Variants in PIK3C2G observed in about 807,000 individuals in gnomAD.
PIK3C2G encodes the protein phosphatidylinositol 3-kinase C2 domain-containing subunit gamma.
In PIK3C2G, 168 loss-of-function variants were observed where a neutral mutation model predicts 181.1. That is an observed-to-expected ratio of 0.93 (90% confidence interval 0.82 to 1.05). The LOEUF (loss-of-function observed/expected upper bound fraction) is 1.05. Ranked by LOEUF, PIK3C2G falls within the 50% of genes least tolerant of loss-of-function variation. The pLI is 0.00. For missense variants in PIK3C2G, 1,869 were observed against 1,732.8 expected (o/e 1.08, Z -1.40); for synonymous variants, 573 against 592.2 (o/e 0.97, Z 0.47).
intron 17 of PIK3C2G, among the ~76,000 whole-genome samples, chr12:18,423,639 A>C (rs999298640): frequency 1.3e-5 from 2 of 152,164 alleles, no homozygotes; most frequent in Non-Finnish European, 2.9e-5. Flanking sequence ...ATTGTATTTA[A>C]TAATCCAGGA....
At chr12:18,258,225 C>T (rs1472826402), upstream of PIK3C2G, among the ~76,000 whole-genome samples, 1 of 151,976 alleles carries the variant, frequency 6.6e-6, no homozygotes, top group Non-Finnish European at 1.5e-5. Flanking sequence ...TTGACATATA[C>T]ATTGTGGAGT....
intron 28 of PIK3C2G, among the ~76,000 whole-genome samples, chr12:18,563,755 G>GT (rs1945469674): frequency 2.0e-5 from 3 of 151,830 alleles, no homozygotes; most frequent in Admixed American, 2.0e-4. Context: ...AAGCTACTTC[G>GT]TTTTTCTTCG....
At chr12:18,290,171 T>G (rs911791625) in intron 3 of PIK3C2G, among the ~76,000 whole-genome samples, 1 of 152,150 alleles carries the variant, frequency 6.6e-6, no homozygotes, top group Non-Finnish European at 1.5e-5. Flanking sequence ...TTCAAAAAAA[T>G]TGGTCAAATA....
chr12:18,407,715 T>C (rs58434989), intron 16 of PIK3C2G, among the ~76,000 whole-genome samples: 16,953 of 152,114 alleles, frequency 0.11, 1,286 homozygotes, highest in Admixed American at 0.27. Context: ...AAAGTCTTCC[T>C]TAAGTAAGTT....
At chr12:18,440,776 TTTAATCCAAATGA>T (rs898712602) in intron 18 of PIK3C2G, among the ~76,000 whole-genome samples, 1 of 152,100 alleles carries the variant, frequency 6.6e-6, no homozygotes, top group African/African-American at 2.4e-5. Flanking sequence ...GAATATTAGC[TTTAATCCAAATGA>T]TTAGAGGGCT....
At chr12:18,270,958 A>G (rs1454088377) in intron 1 of PIK3C2G, among the ~76,000 whole-genome samples, 1 of 152,168 alleles carries the variant, frequency 6.6e-6, no homozygotes, top group Non-Finnish European at 1.5e-5. Context: ...TTGAGATTTA[A>G]TCTATGCAAG....
In PIK3C2G at chr12:18,496,131, A is replaced by T; in HGVS notation, c.2863A>T (p.Lys955Ter). ...TTTCATCAATGCTAATCCGATGGGC[A>T]AAAACATCAGCATTATTTTTAAGGT... The part of the protein sequence containing the change: ...ITFINANPMG[K>*]NISIIFKAGD... The change falls in exon 21 of 33, where the codon AAA becomes TAA. Residue 955 changes from lysine (K) to a stop codon, truncating the protein, a stop_gained. Transcript: ENST00000538779. LOFTEE classifies it high-confidence loss of function. 1 of 1,534,568 alleles carries T rather than the reference A, an allele frequency of 6.5e-7. No individual in the cohort carries two copies. Among genetic ancestry groups the T allele is most frequent in the Non-Finnish European group, 8.8e-7 (1 of 1,134,790 alleles).
intron 7 of PIK3C2G, among the ~76,000 whole-genome samples, chr12:18,324,529 T>C (rs943398735): frequency 6.6e-6 from 1 of 152,242 alleles, no homozygotes; most frequent in Non-Finnish European, 1.5e-5. Context: ...TCTGCTCAAA[T>C]TGCATGTCTT....
the PIK3C2G span, among the ~76,000 whole-genome samples, chr12:18,660,701 T>C: frequency 6.6e-6 from 1 of 152,004 alleles, no homozygotes; most frequent in Non-Finnish European, 1.5e-5. Flanking sequence ...AGGAGAAGAA[T>C]CTGATTTCCA....
chr12:18,372,385 G>T (rs1942129399), intron 13 of PIK3C2G, among the ~76,000 whole-genome samples: 1 of 151,866 alleles, frequency 6.6e-6, no homozygotes, highest in Admixed American at 6.6e-5. Flanking sequence ...ATTGAATTGA[G>T]GAAAAAAACA....
chr12:18,531,685 T>C (rs1357084295), intron 24 of PIK3C2G, among the ~76,000 whole-genome samples: 1 of 152,246 alleles, frequency 6.6e-6, no homozygotes, highest in African/African-American at 2.4e-5. Flanking sequence ...TCTCTGAAGA[T>C]TAATTCAAGC....
intron 30 of PIK3C2G, among the ~76,000 whole-genome samples, chr12:18,595,553 T>G (rs557238230): frequency 6.6e-6 from 1 of 152,280 alleles, no homozygotes; most frequent in Non-Finnish European, 1.5e-5. Context: ...ACTCACTAAC[T>G]AAACATGCCT....
At chr12:18,454,619 T>G (rs1467287295) in intron 18 of PIK3C2G, among the ~76,000 whole-genome samples, 1 of 152,020 alleles carries the variant, frequency 6.6e-6, no homozygotes, top group Non-Finnish European at 1.5e-5. Context: ...GTTTTGAGAA[T>G]AGAATTAAGG....
the PIK3C2G span, chr12:18,699,921 T>C: frequency 1.2e-6 from 2 of 1,611,870 alleles, no homozygotes; most frequent in Non-Finnish European, 8.5e-7. Context: ...CAAGATCAGA[T>C]AAGGCCAGAG....
At chr12:18,697,401 C>G in the PIK3C2G span, among the ~76,000 whole-genome samples, 1 of 152,132 alleles carries the variant, frequency 6.6e-6, no homozygotes, top group East Asian at 1.9e-4. Context: ...GCTCCCTTAT[C>G]TAGTCCTAAC....
chr12:18,723,216 A>C, the PIK3C2G span: 1 of 1,118,052 alleles, frequency 8.9e-7, no homozygotes, highest in Non-Finnish European at 1.3e-6. Context: ...GATAACCACA[A>C]TTCATAAAAA....
chr12:18,442,430 T>C (rs1333437833), intron 18 of PIK3C2G, among the ~76,000 whole-genome samples: 2 of 152,120 alleles, frequency 1.3e-5, no homozygotes, highest in Non-Finnish European at 2.9e-5. Flanking sequence ...AAAGTAATAT[T>C]GCAATAATGG....
At chr12:18,252,953 A>G (rs2136958134) in intron 1 of PIK3C2G, among the ~76,000 whole-genome samples, 1 of 152,222 alleles carries the variant, frequency 6.6e-6, no homozygotes, top group East Asian at 1.9e-4. Flanking sequence ...CTGGGAGGAA[A>G]GGTAGCACTT....
chr12:18,338,525 C>A lies in PIK3C2G; in HGVS notation c.1372C>A (p.Leu458Ile), dbSNP rs200273120. 217 of 1,591,924 alleles carry A rather than the reference C, an allele frequency of 1.4e-4. No homozygotes were observed. In the African/African-American group the frequency reaches 2.6e-3, roughly 19 times the overall value. The change falls in exon 9 of 33, where the codon CTA becomes ATA. Residue 458 changes from leucine to isoleucine, a missense_variant. By Grantham distance (5) the Leu-to-Ile change is conservative. Transcript: ENST00000538779. ...TACAGATGCAGTAAATGAACTAAGT[C>A]TAATTCTTCAGAGAAAAGGAGAGGT... The part of the protein sequence containing the change: ...QITDAVNELS[L>I]ILQRKGENFY...
Sources: allele counts gnomAD v4.1 joint callset (sites outside exome capture counted in the v4.1 genomes callset), GRCh38; gene constraint gnomAD v4.1.1; transcripts MANE v1.5; gene names NCBI Gene and HGNC (gene_info 2026-07-23, HGNC 2026-07-21).